Variants in RNF213 observed in about 807,000 individuals in gnomAD.
The protein encoded by RNF213 is E3 ubiquitin-protein ligase RNF213.
RNF213 carries 341 observed loss-of-function variants against 514.4 expected under a neutral mutation model. The ratio of observed to expected loss-of-function variants is 0.66; its 90% CI spans 0.61 to 0.73. The LOEUF (loss-of-function observed/expected upper bound fraction) is 0.73. Among genes scored for constraint, RNF213 ranks in the 30% least tolerant of loss-of-function variants. The pLI is 0.00. For synonymous variants in RNF213, 2,655 were observed against 2,658.2 expected, an observed-to-expected ratio of 1.00 and a Z score of 0.04; for missense variants, 5,767 against 6,615.6, an observed-to-expected ratio of 0.87 and a Z score of 4.45.
At chr17:80,311,292 AG>A (rs1238145257) in intron 14 of RNF213, among the ~76,000 whole-genome samples, 8 of 152,232 alleles carry the variant, frequency 5.3e-5, no homozygotes, top group African/African-American at 1.9e-4. Flanking sequence ...GCTGCTGTGA[AG>A]GCTCCAGGGT....
rs573411230 is a variant in RNF213 at position 80,389,271 on chromosome 17, G to A, written c.15099G>A (p.Gly5033=). ...TGTCTGTCGTAGAAGTCACTCTGGG[G>A]TTTCTGAGCACAGCTGGTGGGGATC... is the stretch of plus-strand genomic sequence containing the variant. ...EVLSVVEVTL[G]FLSTAGGDPN... is the part of the protein sequence containing the mutation. The change falls in exon 65 of 68, where the codon GGG becomes GGA. Residue 5033 remains glycine, a synonymous_variant. Coordinates refer to ENST00000582970, the MANE Select transcript of RNF213 (RefSeq NM_001256071.3). 1.9e-6 allele frequency: 3 copies of A among 1,614,186 alleles called. No individual in the cohort carries two copies. The highest frequency in any genetic ancestry group is 2.5e-6 in the Non-Finnish European group (3 of 1,180,006).
intron 13 of RNF213, among the ~76,000 whole-genome samples, chr17:80,307,750 A>T (rs2045419493): frequency 6.6e-6 from 1 of 151,282 alleles, no homozygotes; most frequent in Non-Finnish European, 1.5e-5. Context: ...GGGTTTCACC[A>T]TGTTGGCCAG....
At chr17:80,318,809 G>A (rs11649963) in intron 16 of RNF213, among the ~76,000 whole-genome samples, 135 of 152,214 alleles carry the variant, frequency 8.9e-4, no homozygotes, top group Non-Finnish European at 1.6e-3. Flanking sequence ...TCCTGACCTC[G>A]TGATCCACCC....
intron 59 of RNF213, 35 bp from the exon 60 acceptor site, chr17:80,385,004 T>TA (rs1345414629): frequency 6.2e-7 from 1 of 1,612,954 alleles, no homozygotes; most frequent in Non-Finnish European, 8.5e-7. Flanking sequence ...TTTAGGTAAA[T>TA]AAAAATTGTT....
chr17:80,289,243 G>T (rs189310490), intron 5 of RNF213, among the ~76,000 whole-genome samples: 25 of 152,308 alleles, frequency 1.6e-4, no homozygotes, highest in Admixed American at 1.5e-3. Flanking sequence ...TCCCGAGCGG[G>T]GAAGGGTCGT....
At position 80,332,500 on chromosome 17, in the gene RNF213, G is replaced by T; in HGVS notation, c.4012G>T (p.Asp1338Tyr). Residue 1338 changes from aspartate to tyrosine, a missense_variant, in exon 21 of 68, where the codon GAC becomes TAC. Transcript: ENST00000582970. ...CCAGGACCAAAGAGATTGGATCAAG[G>T]ACCGAGTCGAACAGATCAAGGAATA... ...DHQDQRDWIK[D>Y]RVEQIKEYHH... 2 of 1,537,138 alleles carry T rather than the reference G, an allele frequency of 1.3e-6. No individual in the cohort carries two copies. The highest frequency in any genetic ancestry group is 1.7e-6 in the Non-Finnish European group (2 of 1,146,846).
chr17:80,325,008 T>A (rs1185281460), intron 17 of RNF213, 22 bp from the exon 18 acceptor site: 1 of 1,535,260 alleles, frequency 6.5e-7, no homozygotes, highest in Admixed American at 2.0e-5. Flanking sequence ...TAAATGTCCC[T>A]CTTTTATTAA....
chr17:80,272,237 T>C (rs556048697), intron 2 of RNF213, among the ~76,000 whole-genome samples: 1 of 152,276 alleles, frequency 6.6e-6, no homozygotes, highest in South Asian at 2.1e-4. Flanking sequence ...TGAGCCAAGA[T>C]TGTGCCTCTG....
intron 44 of RNF213, among the ~76,000 whole-genome samples, chr17:80,368,699 C>T (rs1376718912): frequency 1.3e-5 from 2 of 152,192 alleles, no homozygotes; most frequent in Non-Finnish European, 2.9e-5. Context: ...TCCCAAAGTG[C>T]AGGGATTACA....
At chr17:80,387,972 T>TC (rs963115493) in intron 63 of RNF213, among the ~76,000 whole-genome samples, 1 of 141,152 alleles carries the variant, frequency 7.1e-6, no homozygotes, top group Non-Finnish European at 1.6e-5. Context: ...TTTTTTTTTT[T>TC]TTTTTGAGAC....
Position 80,374,574 on chromosome 17 carries a change from T to C in RNF213, c.13059T>C (p.Ile4353=), listed in dbSNP as rs774841594. Residue 4353 remains isoleucine (I), a synonymous_variant, in exon 50 of 68, where the codon ATT becomes ATC. Coordinates refer to ENST00000582970, the MANE Select transcript of RNF213 (RefSeq NM_001256071.3). ...KAVLECKPLG[I]KTALKACKTP... is the part of the protein sequence containing the mutation. ...TCCTCGAGTGCAAGCCACTGGGCAT[T>C]AAGACTGCTCTGAAGGTAGGATGGG... 1 of 1,614,186 alleles carries C rather than the reference T, an allele frequency of 6.2e-7. No homozygotes were observed. Among genetic ancestry groups the C allele is most frequent in the South Asian group, 1.1e-5 (1 of 91,086 alleles).
At chr17:80,361,561 G>A (rs1568132865) in intron 38 of RNF213, among the ~76,000 whole-genome samples, 173 bp from the exon 39 acceptor site, 1 of 152,120 alleles carries the variant, frequency 6.6e-6, no homozygotes, top group Non-Finnish European at 1.5e-5. Flanking sequence ...TAAATGTCTA[G>A]ACAGTGACTA....
chr17:80,376,878 T>G lies in RNF213; in HGVS notation c.13429-4T>G. On this transcript the variant is annotated splice_region_variant and splice_polypyrimidine_tract_variant and intron_variant, in intron 52 of 67. Transcript: ENST00000582970. ...AGAGCTGTCTCTGTCTTCTTGTTTT[T>G]CAGCATGCTTTTCTTCCAACCATGC... 1 of 1,613,680 alleles carries G rather than the reference T, an allele frequency of 6.2e-7. No individual in the cohort carries two copies. Among genetic ancestry groups the G allele is most frequent in the Non-Finnish European group, 8.5e-7 (1 of 1,179,734 alleles).
At chr17:80,330,712 C>G (rs1164604189) in intron 20 of RNF213, among the ~76,000 whole-genome samples, 1 of 152,232 alleles carries the variant, frequency 6.6e-6, no homozygotes, top group Admixed American at 6.5e-5. Flanking sequence ...CACACGCCCC[C>G]CTGCGTTATC....
At chr17:80,389,790 A>C in intron 65 of RNF213, 38 bp from the exon 66 acceptor site, 3 of 1,540,192 alleles carry the variant, frequency 1.9e-6, no homozygotes, top group Non-Finnish European at 1.8e-6. Flanking sequence ...GGGGTGTGAG[A>C]CCTCAGCCCC....
intron 16 of RNF213, among the ~76,000 whole-genome samples, chr17:80,318,687 C>T (rs2046029746): frequency 1.3e-5 from 2 of 152,262 alleles, no homozygotes; most frequent in East Asian, 3.9e-4. Flanking sequence ...CATTCTCCTG[C>T]CTCAGCCTCC....
At chr17:80,382,722 C>G in intron 57 of RNF213, 1 of 400,538 alleles carries the variant, frequency 2.5e-6, no homozygotes. Context: ...TCTGTTCTTT[C>G]AGTAATTTTT....
At chr17:80,358,920 T>C (rs962700351) in intron 37 of RNF213, among the ~76,000 whole-genome samples, 1 of 151,934 alleles carries the variant, frequency 6.6e-6, no homozygotes, top group East Asian at 1.9e-4. Context: ...AAAAAAAGAA[T>C]AGGAAGTTTA....
intron 20 of RNF213, among the ~76,000 whole-genome samples, chr17:80,330,676 C>T (rs1467043712): frequency 6.6e-6 from 1 of 152,236 alleles, no homozygotes; most frequent in Non-Finnish European, 1.5e-5. Flanking sequence ...GCCCTTTGTT[C>T]TGCCATGTAT....
Sources: gnomAD v4.1 joint callset for allele counts (sites outside exome capture counted in the v4.1 genomes callset) on GRCh38, gnomAD v4.1.1 for gene constraint, MANE v1.5 for transcripts, NCBI Gene and HGNC (gene_info 2026-07-23, HGNC 2026-07-21) for gene names.